PRKN: variants seen among roughly 807,000 people sequenced by gnomAD.
PRKN encodes parkin RBR E3 ubiquitin protein ligase.
Under a neutral mutation model 59.5 loss-of-function variants are expected in PRKN, and 56 were observed. The ratio of observed to expected loss-of-function variants is 0.94; its 90% CI spans 0.76 to 1.18. The LOEUF (loss-of-function observed/expected upper bound fraction) is 1.18, where lower values mean the gene tolerates loss of function less well. Among genes scored for constraint, PRKN ranks in the 50% most tolerant of loss-of-function variants. The pLI is 0.00. For synonymous variants in PRKN, 250 were observed against 222.1 expected, an observed-to-expected ratio of 1.13 and a Z score of -1.12; for missense variants, 657 against 596.4, an observed-to-expected ratio of 1.10 and a Z score of -1.06.
intron 1 of PRKN, among the ~76,000 whole-genome samples, chr6:162,690,177 C>T (rs370073897): frequency 2.0e-5 from 3 of 151,794 alleles, no homozygotes; most frequent in South Asian, 2.1e-4. Context: ...CGAGTAACCT[C>T]GCTTTAGCTA....
intron 1 of PRKN, among the ~76,000 whole-genome samples, chr6:162,669,079 A>T (rs924495903): frequency 2.0e-5 from 3 of 152,168 alleles, no homozygotes; most frequent in Non-Finnish European, 4.4e-5. Context: ...TGAGTTTTGA[A>T]ATCAGTCTCT....
intron 1 of PRKN, among the ~76,000 whole-genome samples, chr6:162,560,933 T>C (rs1004130400): frequency 7.0e-6 from 1 of 142,954 alleles, no homozygotes. Context: ...ATGAGGGTGA[T>C]AACAGAGATC....
intron 7 of PRKN, among the ~76,000 whole-genome samples, chr6:161,724,909 T>G (rs1021748863): frequency 6.6e-6 from 1 of 152,238 alleles, no homozygotes; most frequent in Admixed American, 6.5e-5. Flanking sequence ...GAAACCCTCA[T>G]GGCTTGGTGC....
At chr6:162,155,233 C>T (rs1782458413) in intron 4 of PRKN, among the ~76,000 whole-genome samples, 1 of 152,076 alleles carries the variant, frequency 6.6e-6, no homozygotes, top group Non-Finnish European at 1.5e-5. Context: ...ATACTTTCTT[C>T]TGCATCTACA....
chr6:161,810,373 C>A (rs1377051055), intron 6 of PRKN, among the ~76,000 whole-genome samples: 1 of 152,148 alleles, frequency 6.6e-6, no homozygotes, highest in Non-Finnish European at 1.5e-5. Context: ...GCAGCCTGAG[C>A]AAACTAATAT....
At chr6:161,416,839 T>C (rs1195660168) in intron 9 of PRKN, among the ~76,000 whole-genome samples, 1 of 152,184 alleles carries the variant, frequency 6.6e-6, no homozygotes, top group Non-Finnish European at 1.5e-5. Context: ...CCAGGGGCCT[T>C]GGCGTTTTGA....
rs559107965 is a variant in PRKN, at chr6:161,569,762, G to A, written c.872-346C>T. 3.0e-4 allele frequency among the ~76,000 whole-genome samples: 45 copies of A among 152,222 alleles called. 1 individual carries two copies. The South Asian group carries it at 6.0e-3, about 20-fold the overall frequency. ...GTTCCTCATATATAGCCAGGATTCC[G>A]CAGGGCCAGAGTAGGGGAGTTGGTG... On this transcript the variant is annotated intron_variant, in intron 7 of 11. Transcript: ENST00000366898.
intron 7 of PRKN, among the ~76,000 whole-genome samples, chr6:161,759,204 A>G (rs1789085475): frequency 6.6e-6 from 1 of 151,906 alleles, no homozygotes; most frequent in South Asian, 2.1e-4. Context: ...AAAACAAGAG[A>G]TAATCTCTCA....
At chr6:161,823,590 A>C (rs1293306735) in intron 6 of PRKN, among the ~76,000 whole-genome samples, 1 of 152,170 alleles carries the variant, frequency 6.6e-6, no homozygotes, top group Non-Finnish European at 1.5e-5. Context: ...TCATTGGCCG[A>C]AAGGATGGTA....
Position 162,613,252 on chromosome 6 carries a change from G to A in PRKN, c.7+114410C>T, listed in dbSNP as rs1782266408. On this transcript the variant is annotated intron_variant, in intron 1 of 11. Coordinates refer to ENST00000366898, the MANE Select transcript of PRKN (RefSeq NM_004562.3). ...CTTAGAAGCACTGACATTAAATTAA[G>A]AGAGAGAATGAATAACAGCAGCTTT... 1.3e-5 allele frequency among the ~76,000 whole-genome samples: 2 copies of A among 152,192 alleles called. 1 individual carries two copies. Among genetic ancestry groups the A allele is most frequent in the South Asian group, 4.1e-4 (2 of 4,836 alleles).
chr6:162,577,750 G>A (rs1780620076), intron 1 of PRKN, among the ~76,000 whole-genome samples: 1 of 152,088 alleles, frequency 6.6e-6, no homozygotes, highest in African/African-American at 2.4e-5. Flanking sequence ...GTAACATAGT[G>A]AGGATCTGTC....
chr6:161,752,897 G>A (rs1177816712), intron 7 of PRKN, among the ~76,000 whole-genome samples: 2 of 152,168 alleles, frequency 1.3e-5, no homozygotes, highest in African/African-American at 4.8e-5. Context: ...ACAGAAATTG[G>A]TGATGGGTTA....
intron 10 of PRKN, among the ~76,000 whole-genome samples, chr6:161,365,225 A>G (rs1345861575): frequency 6.6e-6 from 1 of 152,212 alleles, no homozygotes; most frequent in Non-Finnish European, 1.5e-5. Flanking sequence ...AATGGCAGAA[A>G]TGACTGCAAA....
At chr6:161,740,669 G>C (rs1405469659) in intron 7 of PRKN, among the ~76,000 whole-genome samples, 2 of 152,222 alleles carry the variant, frequency 1.3e-5, no homozygotes, top group African/African-American at 2.4e-5. Context: ...CTGACACTTG[G>C]GCAGGCAGCT....
At chr6:161,450,826 A>G (rs1789707804) in intron 9 of PRKN, among the ~76,000 whole-genome samples, 1 of 152,188 alleles carries the variant, frequency 6.6e-6, no homozygotes, top group Non-Finnish European at 1.5e-5. Flanking sequence ...AAGTGCTGGG[A>G]TTACAGGCGT....
At chr6:162,462,901 C>T (rs923720912) in intron 1 of PRKN, among the ~76,000 whole-genome samples, 1 of 151,982 alleles carries the variant, frequency 6.6e-6, no homozygotes, top group South Asian at 2.1e-4. Flanking sequence ...CGAGACCAGC[C>T]TGGGCAACAT....
chr6:162,578,730 T>C (rs1046663570), intron 1 of PRKN, among the ~76,000 whole-genome samples: 7 of 152,224 alleles, frequency 4.6e-5, no homozygotes, highest in East Asian at 1.9e-4. Flanking sequence ...TTTTCACACA[T>C]AGTATATTTT....
chr6:161,669,392 G>T lies in PRKN; in HGVS notation c.872-99976C>A, dbSNP rs188096608. On this transcript the variant is annotated intron_variant, in intron 7 of 11. Coordinates refer to ENST00000366898, the MANE Select transcript of PRKN (RefSeq NM_004562.3). ...CTCCCCATCCAATTTGCACACAGGG[G>T]TCAGCCCCAGTCAGTGCCTCCCCTG... Among the ~76,000 whole-genome samples the T allele has an allele frequency of 2.8e-3, 421 of 152,298 alleles. 1 individual carries two copies. The highest frequency in any genetic ancestry group is 6.0e-3 in the South Asian group (29 of 4,824).
chr6:162,717,259 G>A (rs780047439), intron 1 of PRKN, among the ~76,000 whole-genome samples: 7 of 152,086 alleles, frequency 4.6e-5, no homozygotes, highest in South Asian at 2.1e-4. Context: ...CTAGCCCAGC[G>A]AACACCTTGA....
Sources: allele counts gnomAD v4.1 joint callset (sites outside exome capture counted in the v4.1 genomes callset), GRCh38; gene constraint gnomAD v4.1.1; transcripts MANE v1.5; gene names NCBI Gene and HGNC (gene_info 2026-07-23, HGNC 2026-07-21).